The following USP32 variants were observed in gnomAD, a reference collection of about 807,000 sequenced individuals.
The protein encoded by USP32 is ubiquitin carboxyl-terminal hydrolase 32.
A neutral mutation model predicts 204.8 loss-of-function variants in USP32; 59 were observed. The observed-to-expected ratio is 0.29, with a 90% CI of 0.23 to 0.36. USP32 has a LOEUF of 0.36. Ranked by LOEUF, USP32 falls within the 10% of genes least tolerant of loss-of-function variation. The pLI, the probability that USP32 is intolerant of heterozygous loss-of-function variation, is 1.00. For synonymous variants in USP32, 517 were observed against 678.4 expected (o/e 0.76, Z 3.70); for missense variants, 1,160 against 1,946.4 (o/e 0.60, Z 7.60).
intron 5 of USP32, among the ~76,000 whole-genome samples, chr17:60,288,118 A>C: frequency 8.3e-6 from 1 of 119,888 alleles, no homozygotes; most frequent in African/African-American, 4.7e-5. Flanking sequence ...CGTCTCAAAA[A>C]AAAAAAAAAA....
intron 1 of USP32, among the ~76,000 whole-genome samples, chr17:60,386,965 A>G (rs566821576): frequency 6.6e-6 from 1 of 152,334 alleles, no homozygotes; most frequent in African/African-American, 2.4e-5. Context: ...TTTCTCCTTT[A>G]CAAATAGTAA....
intron 8 of USP32, among the ~76,000 whole-genome samples, chr17:60,265,705 A>T (rs1428405511): frequency 6.6e-6 from 1 of 152,198 alleles, no homozygotes; most frequent in African/African-American, 2.4e-5. Context: ...GCCTTGCTCA[A>T]GTATTTTTAT....
intron 5 of USP32, among the ~76,000 whole-genome samples, chr17:60,275,194 C>A (rs1164896244): frequency 6.6e-6 from 1 of 152,140 alleles, no homozygotes; most frequent in Non-Finnish European, 1.5e-5. Flanking sequence ...CGGTGGCTCA[C>A]GCCTGTAATC....
intron 1 of USP32, among the ~76,000 whole-genome samples, chr17:60,358,327 C>A (rs2089134110): frequency 1.3e-5 from 2 of 152,066 alleles, no homozygotes; most frequent in Non-Finnish European, 2.9e-5. Context: ...GTAATCCCAG[C>A]ACTTTGGGAG....
At chr17:60,254,511 G>A (rs2086244660) in intron 10 of USP32, among the ~76,000 whole-genome samples, 1 of 152,060 alleles carries the variant, frequency 6.6e-6, no homozygotes, top group Non-Finnish European at 1.5e-5. Context: ...TACCAGCCTG[G>A]GCAACATAGC....
At chr17:60,216,727 C>T (rs1163795869) in intron 16 of USP32, among the ~76,000 whole-genome samples, 1 of 152,042 alleles carries the variant, frequency 6.6e-6, no homozygotes, top group African/African-American at 2.4e-5. Context: ...TAGTAAACAG[C>T]TGTAATAAAT....
At chr17:60,411,544 A>G (rs1216311968) in intron 1 of USP32, among the ~76,000 whole-genome samples, 1 of 150,312 alleles carries the variant, frequency 6.7e-6, no homozygotes, top group East Asian at 2.0e-4. Context: ...ATTTGTATTT[A>G]TTTATTTGTT....
chr17:60,357,228 A>C (rs1228682214), intron 1 of USP32, among the ~76,000 whole-genome samples: 1 of 152,232 alleles, frequency 6.6e-6, no homozygotes, highest in Non-Finnish European at 1.5e-5. Flanking sequence ...AGGTGGGAGG[A>C]CAGCTTGAGA....
intron 26 of USP32, among the ~76,000 whole-genome samples, chr17:60,204,409 T>C (rs1462508235): frequency 1.3e-5 from 2 of 151,958 alleles, no homozygotes; most frequent in Non-Finnish European, 1.5e-5. Flanking sequence ...TAGCATATTA[T>C]AGCTTCAAAA....
At position 60,319,693 on chromosome 17, in the gene USP32, T is replaced by C. The variant is rs1428852550; in HGVS notation, c.187-17989A>G. On this transcript the variant is annotated intron_variant, in intron 2 of 33. Transcript: ENST00000300896. ...TACTCAAGTGGCTGAGGTAGGAGGATTGCTTGAGCCCAGGAGGCAGAGGTT... is the reference window on the plus strand; with the variant it reads ...TACTCAAGTGGCTGAGGTAGGAGGACTGCTTGAGCCCAGGAGGCAGAGGTT... 3.9e-5 allele frequency among the ~76,000 whole-genome samples: 6 copies of C among 152,120 alleles called. No homozygotes were observed. In the East Asian group the frequency reaches 9.6e-4, roughly 24 times the overall value.
intron 5 of USP32, among the ~76,000 whole-genome samples, chr17:60,276,946 CATATATAT>C (rs35211470): frequency 1.4e-5 from 2 of 140,740 alleles, no homozygotes; most frequent in African/African-American, 2.8e-5. Context: ...ATTACATATA[CATATATAT>C]ATATATATAT....
chr17:60,368,527 G>A (rs1290238843), intron 1 of USP32, among the ~76,000 whole-genome samples: 1 of 151,988 alleles, frequency 6.6e-6, no homozygotes, highest in African/African-American at 2.4e-5. Flanking sequence ...TGCGGTTGGG[G>A]GGCGGGGGAA....
intron 2 of USP32, among the ~76,000 whole-genome samples, chr17:60,323,890 GA>G (rs1213417198): frequency 6.6e-6 from 1 of 152,186 alleles, no homozygotes; most frequent in East Asian, 1.9e-4. Context: ...TGGAAATTAA[GA>G]AATTCTTCTT....
At chr17:60,203,925 G>A (rs2084756096) in intron 26 of USP32, among the ~76,000 whole-genome samples, 1 of 152,088 alleles carries the variant, frequency 6.6e-6, no homozygotes, top group Non-Finnish European at 1.5e-5. Context: ...AGCTCAATCA[G>A]CTATCTAGTG....
chr17:60,245,576 C>T (rs2085997909), intron 11 of USP32: 1 of 313,790 alleles, frequency 3.2e-6, no homozygotes, highest in Non-Finnish European at 6.1e-6. Flanking sequence ...ATCAGTGTAA[C>T]TGGTGCTGGA....
intron 1 of USP32, among the ~76,000 whole-genome samples, chr17:60,353,610 G>A (rs2089002740): frequency 6.6e-6 from 1 of 152,060 alleles, no homozygotes; most frequent in Non-Finnish European, 1.5e-5. Context: ...GGATGGTGGT[G>A]CACACCTGTA....
At chr17:60,323,257 T>A (rs1205017025) in intron 2 of USP32, among the ~76,000 whole-genome samples, 1 of 143,806 alleles carries the variant, frequency 7.0e-6, no homozygotes, top group Non-Finnish European at 1.5e-5. Flanking sequence ...CATTAACTGA[T>A]GAAATAAACA....
At chr17:60,207,594 G>C (rs1227127964) in intron 24 of USP32, 1 of 154,904 alleles carries the variant, frequency 6.5e-6, no homozygotes, top group East Asian at 1.9e-4. Context: ...GTGTCAATTT[G>C]TCTTTACTCT....
At position 60,177,995 on chromosome 17, in the gene USP32, T is replaced by C. The variant is rs977167216; in HGVS notation, c.*1260A>G. On this transcript the variant is annotated 3_prime_UTR_variant, in exon 34 of 34. Coordinates refer to ENST00000300896, the MANE Select transcript of USP32 (RefSeq NM_032582.4). ...AAAATGCTACCTGAAATAAATAATATTTATACTTTTGTTCCAGTCTTGATT... is the reference window on the plus strand; with the variant it reads ...AAAATGCTACCTGAAATAAATAATACTTATACTTTTGTTCCAGTCTTGATT... Among the ~76,000 whole-genome samples, 7 of 152,090 alleles carry C rather than the reference T, an allele frequency of 4.6e-5. No individual in the cohort carries two copies. The highest frequency in any genetic ancestry group is 7.4e-5 in the Non-Finnish European group (5 of 68,026).
Sources: gnomAD v4.1 joint callset for allele counts (sites outside exome capture counted in the v4.1 genomes callset) on GRCh38, gnomAD v4.1.1 for gene constraint, MANE v1.5 for transcripts, NCBI Gene and HGNC (gene_info 2026-07-23, HGNC 2026-07-21) for gene names.